Variants in NBAS observed in about 807,000 individuals in gnomAD.
NBAS encodes the protein NBAS subunit of NRZ tethering complex.
In NBAS, 219 loss-of-function variants were observed where a neutral mutation model predicts 302.5. That is an observed-to-expected ratio of 0.72 (90% CI 0.65 to 0.81). The LOEUF is 0.81. NBAS is among the 30% of genes least tolerant of loss of function. The probability of loss-of-function intolerance (pLI) is 0.00; values close to 1 mark genes in which losing one functional copy is unlikely to be tolerated. For synonymous variants in NBAS, 1,118 were observed against 1,021.6 expected, an observed-to-expected ratio of 1.09 and a Z score of -1.80; for missense variants, 2,932 against 2,841.6, an observed-to-expected ratio of 1.03 and a Z score of -0.72.
At chr2:14,864,886 T>C in the NBAS span, among the ~76,000 whole-genome samples, 1 of 152,102 alleles carries the variant, frequency 6.6e-6, no homozygotes. Context: ...GCTCAAAAAG[T>C]GTTAGCTTGT....
At chr2:15,241,640 TA>T (rs903288374) in intron 44 of NBAS, among the ~76,000 whole-genome samples, 3 of 152,210 alleles carry the variant, frequency 2.0e-5, no homozygotes, top group African/African-American at 7.2e-5. Context: ...AGACAATATG[TA>T]AAACAGTCAG....
chr2:15,085,724 AGT>A, the NBAS span, among the ~76,000 whole-genome samples: 1 of 152,140 alleles, frequency 6.6e-6, no homozygotes, highest in Non-Finnish European at 1.5e-5. Context: ...TATGCTCAGA[AGT>A]GCCTGCTCCC....
the NBAS span, among the ~76,000 whole-genome samples, chr2:15,033,138 C>A: frequency 2.0e-5 from 3 of 152,364 alleles, no homozygotes; most frequent in East Asian, 5.8e-4. Context: ...GGCATAGCAT[C>A]AGACCAAAGA....
In NBAS at chr2:15,465,507, G is replaced by A. The variant is rs142525393; in HGVS notation, c.2097+1822C>T. Among the ~76,000 whole-genome samples the A allele has an allele frequency of 4.7e-3, 722 of 152,236 alleles. 8 individuals carry two copies. The highest frequency in any genetic ancestry group is 0.016 in the African/African-American group (671 of 41,538). On this transcript the variant is annotated intron_variant, in intron 19 of 51. Transcript: ENST00000281513. ...ATGGCACAATATCTTGCGTTTAGGA[G>A]GCATTCATGTCAAATCTAAATGAAT...
At chr2:15,461,849 A>G in intron 19 of NBAS, 58 bp from the exon 20 acceptor site, 1 of 934,630 alleles carries the variant, frequency 1.1e-6, no homozygotes. Context: ...TATGGGTGAC[A>G]AGAAAATATT....
At chr2:15,211,856 T>A (rs1212965516) in intron 48 of NBAS, among the ~76,000 whole-genome samples, 1 of 152,208 alleles carries the variant, frequency 6.6e-6, no homozygotes, top group Non-Finnish European at 1.5e-5. Flanking sequence ...ATTAAGGCCA[T>A]GAAGAAAGGA....
At chr2:15,395,819 T>A (rs1035690626) in intron 27 of NBAS, among the ~76,000 whole-genome samples, 1 of 152,060 alleles carries the variant, frequency 6.6e-6, no homozygotes, top group South Asian at 2.1e-4. Context: ...TAAAAATAAA[T>A]ATTAGTAAAA....
At chr2:15,354,964 A>G (rs1673542239) in intron 33 of NBAS, among the ~76,000 whole-genome samples, 1 of 152,064 alleles carries the variant, frequency 6.6e-6, no homozygotes, top group African/African-American at 2.4e-5. Flanking sequence ...TTTTCCACCC[A>G]CTGACCCTTC....
At chr2:15,388,947 T>C (rs896052457) in intron 28 of NBAS, among the ~76,000 whole-genome samples, 3 of 152,112 alleles carry the variant, frequency 2.0e-5, no homozygotes, top group African/African-American at 7.2e-5. Context: ...TAATCTATAG[T>C]GTTTTAGTGT....
chr2:15,539,703 T>C (rs1454219484), intron 6 of NBAS, among the ~76,000 whole-genome samples: 1 of 152,062 alleles, frequency 6.6e-6, no homozygotes, highest in African/African-American at 2.4e-5. Context: ...ACAGAATGGG[T>C]AGACAATAAT....
At chr2:14,812,002 T>C in the NBAS span, among the ~76,000 whole-genome samples, 1 of 152,206 alleles carries the variant, frequency 6.6e-6, no homozygotes, top group South Asian at 2.1e-4. Flanking sequence ...GATCAATGTA[T>C]TATTTCTCAT....
intron 38 of NBAS, among the ~76,000 whole-genome samples, chr2:15,319,337 A>T (rs909675285): frequency 6.6e-5 from 10 of 152,216 alleles, no homozygotes; most frequent in African/African-American, 2.4e-5. Context: ...AATTAAAAGA[A>T]CTAGAGAAGC....
chr2:14,838,006 C>G, the NBAS span, among the ~76,000 whole-genome samples: 1 of 151,884 alleles, frequency 6.6e-6, no homozygotes, highest in African/African-American at 2.4e-5. Context: ...GATATTCTCA[C>G]ATTTAAGATA....
chr2:15,393,905 G>C (rs1421428653), intron 28 of NBAS, among the ~76,000 whole-genome samples: 1 of 152,054 alleles, frequency 6.6e-6, no homozygotes, highest in African/African-American at 2.4e-5. Flanking sequence ...GAAATGCAAA[G>C]TAATATACAG....
the NBAS span, among the ~76,000 whole-genome samples, chr2:15,001,396 A>C: frequency 6.6e-6 from 1 of 152,178 alleles, no homozygotes; most frequent in Non-Finnish European, 1.5e-5. Context: ...AAAATCACTT[A>C]TTGAATATCT....
At chr2:15,057,593 C>G in the NBAS span, among the ~76,000 whole-genome samples, 15 of 152,268 alleles carry the variant, frequency 9.9e-5, no homozygotes, top group South Asian at 3.1e-3. Flanking sequence ...AGCTCTTCCC[C>G]CAAGTCCCCA....
chr2:14,916,279 T>A, the NBAS span, among the ~76,000 whole-genome samples: 1 of 152,132 alleles, frequency 6.6e-6, no homozygotes, highest in African/African-American at 2.4e-5. Context: ...TAAGCTTCAA[T>A]TAGAAGATCC....
chr2:15,349,034 T>C (rs1376806681), intron 35 of NBAS, among the ~76,000 whole-genome samples: 1 of 152,076 alleles, frequency 6.6e-6, no homozygotes, highest in African/African-American at 2.4e-5. Context: ...AGAAGTGTCC[T>C]CCAAACAGAG....
the NBAS span, among the ~76,000 whole-genome samples, chr2:15,118,410 G>T: frequency 6.6e-6 from 1 of 152,178 alleles, no homozygotes; most frequent in Non-Finnish European, 1.5e-5. Flanking sequence ...GTATCCAAAA[G>T]CGGCCTCTGT....
Sources: allele counts gnomAD v4.1 joint callset (sites outside exome capture counted in the v4.1 genomes callset), GRCh38; gene constraint gnomAD v4.1.1; transcripts MANE v1.5; gene names NCBI Gene and HGNC (gene_info 2026-07-23, HGNC 2026-07-21).